Variants in DPF3 observed in about 807,000 individuals in gnomAD.
DPF3 encodes double PHD fingers 3.
DPF3 carries 18 observed loss-of-function variants against 56.8 expected under a neutral mutation model. The observed-to-expected ratio is 0.32, with a 90% confidence interval of 0.22 to 0.47. DPF3 has a LOEUF of 0.47. Among genes scored for constraint, DPF3 ranks in the 20% least tolerant of loss-of-function variants. DPF3 has a pLI of 1.00. For synonymous variants in DPF3, 188 were observed against 180.2 expected (o/e 1.04, Z -0.35); for missense variants, 403 against 488.8 (o/e 0.82, Z 1.65).
rs148164515 is a variant in DPF3, at chr14:72,785,229, A to T, written c.33-13336T>A. ...TTATAGTAGCAATAGTGGCATAGCTAATATTTATTGAGCATTTACTATGTG... is the reference window on the plus strand; with the variant it reads ...TTATAGTAGCAATAGTGGCATAGCTTATATTTATTGAGCATTTACTATGTG... On this transcript the variant is annotated intron_variant, in intron 1 of 10. Transcript: ENST00000556509. Among the ~76,000 whole-genome samples the T allele has an allele frequency of 2.5e-4, 38 of 152,354 alleles. 1 individual carries two copies. In the East Asian group the frequency reaches 7.3e-3, roughly 29 times the overall value.
At chr14:72,868,957 C>T (rs1255711906) in intron 1 of DPF3, among the ~76,000 whole-genome samples, 1 of 152,158 alleles carries the variant, frequency 6.6e-6, no homozygotes, top group Non-Finnish European at 1.5e-5. Flanking sequence ...AACTTCAATC[C>T]TTCCATGGCT....
At chr14:72,628,295 C>T (rs1884954280) in intron 9 of DPF3, among the ~76,000 whole-genome samples, 1 of 152,022 alleles carries the variant, frequency 6.6e-6, no homozygotes, top group African/African-American at 2.4e-5. Flanking sequence ...CCCACAATCA[C>T]TATTTTTAAT....
intron 1 of DPF3, among the ~76,000 whole-genome samples, chr14:72,804,226 CA>C (rs1893001125): frequency 4.0e-5 from 6 of 150,340 alleles, no homozygotes; most frequent in African/African-American, 7.4e-5. Flanking sequence ...CACACACACG[CA>C]GACAAAGATT....
At chr14:72,667,123 C>T (rs1489444182) in intron 8 of DPF3, among the ~76,000 whole-genome samples, 1 of 152,088 alleles carries the variant, frequency 6.6e-6, no homozygotes, top group Non-Finnish European at 1.5e-5. Context: ...TTGATGTGAA[C>T]ATCACATTTT....
At chr14:72,735,363 C>T (rs79938532) in intron 3 of DPF3, among the ~76,000 whole-genome samples, 6,544 of 152,214 alleles carry the variant, frequency 0.043, 228 homozygotes, top group Admixed American at 0.093. Flanking sequence ...GAACTTGCCC[C>T]TCTCTTCCTT....
At chr14:72,726,847 A>T (rs1889427697) in intron 4 of DPF3, among the ~76,000 whole-genome samples, 1 of 136,008 alleles carries the variant, frequency 7.4e-6, no homozygotes, top group African/African-American at 3.2e-5. Flanking sequence ...GGTTGTGTTT[A>T]AAAAAAAAAA....
At chr14:72,857,083 G>A (rs904436379) in intron 1 of DPF3, among the ~76,000 whole-genome samples, 1 of 152,190 alleles carries the variant, frequency 6.6e-6, no homozygotes, top group African/African-American at 2.4e-5. Context: ...AGACTAAAGG[G>A]GCGACCAGGA....
At chr14:72,843,656 C>T (rs1884639943) in intron 1 of DPF3, among the ~76,000 whole-genome samples, 1 of 152,240 alleles carries the variant, frequency 6.6e-6, no homozygotes, top group Admixed American at 6.5e-5. Flanking sequence ...GATTCTCCGG[C>T]CTCAGCCTCC....
intron 9 of DPF3, among the ~76,000 whole-genome samples, chr14:72,624,267 T>C (rs185178341): frequency 6.6e-6 from 1 of 152,068 alleles, no homozygotes; most frequent in Non-Finnish European, 1.5e-5. Flanking sequence ...AAATTACCAT[T>C]GGTGTAATAC....
At position 72,619,162 on chromosome 14, in the gene DPF3, T is replaced by G. The variant is rs74062313; in HGVS notation, c.*135A>C. 2 of 852,764 alleles carry G rather than the reference T, an allele frequency of 2.3e-6. No homozygotes were observed. Among genetic ancestry groups the G allele is most frequent in the African/African-American group, 3.4e-5 (2 of 58,504 alleles). 52.8% of individuals were successfully genotyped at this position (852,764 alleles called of 1,614,324 possible). A position where few individuals can be genotyped will look rare whatever the true frequency, so the allele number is the denominator to read the frequency against. ...TGCCTCACCCTCTTCGTTCCATGTG[T>G]CCCTGCCCCTCTGGGACTATTTCTT... On this transcript the variant is annotated 3_prime_UTR_variant, in exon 11 of 11. Coordinates refer to ENST00000556509, the MANE Select transcript of DPF3 (RefSeq NM_001280542.3).
chr14:72,661,907 T>A, intron 8 of DPF3: 1 of 983,984 alleles, frequency 1.0e-6, no homozygotes, highest in Non-Finnish European at 1.2e-6. Context: ...CTCTCTGTGT[T>A]CGAATCTATT....
In DPF3 at chr14:72,615,627, T is replaced by C. The variant is rs940951426; in HGVS notation, c.*3670A>G. On this transcript the variant is annotated 3_prime_UTR_variant, in exon 11 of 11. Transcript: ENST00000556509. ...TCCCTTCCACCCACCCACAGGCTCT[T>C]CCCTGGTTCCAGTCGGCTGGGCTCA... Among the ~76,000 whole-genome samples, 1 of 152,138 alleles carries C rather than the reference T, an allele frequency of 6.6e-6. No homozygotes were observed. The highest frequency in any genetic ancestry group is 1.5e-5 in the Non-Finnish European group (1 of 68,026).
rs1394368252 is a variant in DPF3 at position 72,619,978 on chromosome 14, G to A, written c.991C>T (p.Leu331=). The A allele has an allele frequency of 6.5e-7, 1 of 1,534,076 alleles. No homozygotes were observed. The part of the protein sequence containing the change: ...LCGTSENDDQ[L]LFCDDCDRGY... ...CGGTCACAGTCATCGCAGAAGAGTA[G>A]CTGGTCCTGGTGGAACACAGAGTAA... Residue 331 remains leucine, a synonymous_variant, in exon 10 of 11, where the codon CTA becomes TTA. Coordinates refer to ENST00000556509, the MANE Select transcript of DPF3 (RefSeq NM_001280542.3).
chr14:72,802,185 G>A (rs1271562665), intron 1 of DPF3, among the ~76,000 whole-genome samples: 1 of 151,462 alleles, frequency 6.6e-6, no homozygotes, highest in Non-Finnish European at 1.5e-5. Flanking sequence ...AACACTACGA[G>A]ACAAATGGGA....
At chr14:72,814,330 T>G (rs1313914609) in intron 1 of DPF3, among the ~76,000 whole-genome samples, 1 of 151,326 alleles carries the variant, frequency 6.6e-6, no homozygotes, top group Non-Finnish European at 1.5e-5. Context: ...TTCATCATAC[T>G]TGGGGGATGT....
At chr14:72,680,609 G>C (rs558796297) in intron 7 of DPF3, among the ~76,000 whole-genome samples, 3 of 152,254 alleles carry the variant, frequency 2.0e-5, no homozygotes, top group Non-Finnish European at 4.4e-5. Flanking sequence ...TGCGGAAGGC[G>C]CTGAGGCCAG....
intron 6 of DPF3, among the ~76,000 whole-genome samples, chr14:72,698,374 T>C (rs1002935996): frequency 1.3e-5 from 2 of 152,224 alleles, no homozygotes; most frequent in Middle Eastern, 3.2e-3. Flanking sequence ...TGTAGGCTAA[T>C]GTATATTTTC....
intron 1 of DPF3, among the ~76,000 whole-genome samples, chr14:72,777,564 C>A (rs79398464): frequency 6.6e-6 from 1 of 152,108 alleles, no homozygotes; most frequent in Non-Finnish European, 1.5e-5. Context: ...TTGATATTTA[C>A]CCCTGCCCAA....
chr14:72,610,914 T>C lies in DPF3; in HGVS notation c.*8383A>G, dbSNP rs1302717470. Among the ~76,000 whole-genome samples, 2 of 152,210 alleles carry C rather than the reference T, an allele frequency of 1.3e-5. No individual in the cohort carries two copies. The highest frequency in any genetic ancestry group is 2.9e-5 in the Non-Finnish European group (2 of 68,038). On this transcript the variant is annotated 3_prime_UTR_variant, in exon 11 of 11. Coordinates refer to ENST00000556509, the MANE Select transcript of DPF3 (RefSeq NM_001280542.3). ...CCAGCAGGGCCATTCAGAGAAGTCT[T>C]GGCTCAAAAGAACGTTGCCCACAGG...
Sources: gnomAD v4.1 joint callset for allele counts (sites outside exome capture counted in the v4.1 genomes callset) on GRCh38, gnomAD v4.1.1 for gene constraint, MANE v1.5 for transcripts, NCBI Gene and HGNC (gene_info 2026-07-23, HGNC 2026-07-21) for gene names.